ADGRL2: variants seen among roughly 807,000 people sequenced by gnomAD.
ADGRL2 encodes adhesion G protein-coupled receptor L2.
A neutral mutation model predicts 157.4 loss-of-function variants in ADGRL2; 44 were observed. The observed-to-expected ratio is 0.28, with a 90% CI of 0.22 to 0.36. The LOEUF is 0.36. ADGRL2 is among the 10% of genes least tolerant of loss of function. The pLI is 1.00. For synonymous variants in ADGRL2, 585 were observed against 624.7 expected (o/e 0.94, Z 0.95); for missense variants, 1,510 against 1,768.9 (o/e 0.85, Z 2.63).
At chr1:81,976,704 CAACTAA>C (rs1660291423) in intron 17 of ADGRL2, among the ~76,000 whole-genome samples, 1 of 151,858 alleles carries the variant, frequency 6.6e-6, no homozygotes, top group African/African-American at 2.4e-5. Context: ...AGAAAAAATA[CAACTAA>C]CTGTTGTTAA....
chr1:81,391,249 T>G (rs1180307550), intron 1 of ADGRL2, among the ~76,000 whole-genome samples: 1 of 152,302 alleles, frequency 6.6e-6, no homozygotes, highest in African/African-American at 2.4e-5. Flanking sequence ...ACATGTGGTT[T>G]GTGCTTGTGG....
intron 2 of ADGRL2, among the ~76,000 whole-genome samples, chr1:81,850,279 T>A (rs1397095415): frequency 2.0e-5 from 3 of 151,934 alleles, no homozygotes; most frequent in Non-Finnish European, 4.4e-5. Context: ...GTTCTATGTC[T>A]TGTCTTAGCA....
intron 1 of ADGRL2, among the ~76,000 whole-genome samples, chr1:81,388,711 T>C (rs4406684): frequency 0.43 from 64,951 of 151,930 alleles, 15,251 homozygotes; most frequent in East Asian, 0.87. Flanking sequence ...GATCTGCGGG[T>C]ACCTTGATCT....
intron 1 of ADGRL2, among the ~76,000 whole-genome samples, chr1:81,329,125 C>T (rs181094956): frequency 6.6e-6 from 1 of 152,262 alleles, no homozygotes; most frequent in East Asian, 1.9e-4. Flanking sequence ...CACTGTCTAA[C>T]TGCTCTGCCA....
At position 81,456,765 on chromosome 1, in the gene ADGRL2, C is replaced by T. The variant is rs551591738; in HGVS notation, c.-248+11676C>T. ...CATCATTGTGTAACTGCCTTTTGAA[C>T]TGCCCTCCCACAAAATAGTTCTTGA... On this transcript the variant is annotated intron_variant, in intron 2 of 24. Transcript: ENST00000370721. Among the ~76,000 whole-genome samples the T allele has an allele frequency of 4.9e-4, 75 of 151,920 alleles. No individual in the cohort carries two copies. In the South Asian group the frequency reaches 0.016, roughly 32 times the overall value.
At chr1:81,951,730 T>C (rs896016400) in intron 8 of ADGRL2, among the ~76,000 whole-genome samples, 1 of 152,112 alleles carries the variant, frequency 6.6e-6, no homozygotes, top group Non-Finnish European at 1.5e-5. Context: ...AGGATTTTTT[T>C]TCCTTTTTAT....
chr1:81,413,737 A>G (rs1248496174), intron 1 of ADGRL2, among the ~76,000 whole-genome samples: 1 of 152,204 alleles, frequency 6.6e-6, no homozygotes, highest in African/African-American at 2.4e-5. Context: ...TTCCTTTTAC[A>G]CTATCAGACA....
Position 81,813,292 on chromosome 1 carries a change from T to C in ADGRL2, c.-101+12224T>C, listed in dbSNP as rs75903906. ...AAGAGATGTAATAGTTCATTTCTCT[T>C]ATTTTATCAAGTAATAATATGACAA... On this transcript the variant is annotated intron_variant, in intron 1 of 23. Coordinates refer to ENST00000686636, the MANE Select transcript of ADGRL2 (RefSeq NM_001366006.2). 0.01 allele frequency among the ~76,000 whole-genome samples: 1,566 copies of C among 151,852 alleles called. 98 individuals are homozygous for C. In the East Asian group the frequency reaches 0.18, roughly 18 times the overall value.
At chr1:81,819,307 C>G (rs993091962) in intron 1 of ADGRL2, among the ~76,000 whole-genome samples, 1 of 151,966 alleles carries the variant, frequency 6.6e-6, no homozygotes, top group Non-Finnish European at 1.5e-5. Context: ...AGCCCAGAAC[C>G]AAGGTTCCAG....
intron 3 of ADGRL2, among the ~76,000 whole-genome samples, chr1:81,917,538 T>C (rs766811776): frequency 1.3e-5 from 2 of 152,192 alleles, no homozygotes; most frequent in Non-Finnish European, 2.9e-5. Flanking sequence ...GTAAATGATT[T>C]TGTAGTCTTT....
chr1:81,452,377 T>C (rs1219980767), intron 2 of ADGRL2, among the ~76,000 whole-genome samples: 1 of 152,172 alleles, frequency 6.6e-6, no homozygotes, highest in Non-Finnish European at 1.5e-5. Context: ...AATGTGACTC[T>C]CATGGGAGAA....
chr1:81,968,332 TC>T, intron 14 of ADGRL2, 133 bp downstream of exon 14: 1 of 729,000 alleles, frequency 1.4e-6, no homozygotes, highest in Non-Finnish European at 2.3e-6. Context: ...TCTAATTGTT[TC>T]TACACTGTCC....
chr1:81,587,756 A>G (rs2081055959), intron 3 of ADGRL2, among the ~76,000 whole-genome samples: 1 of 152,146 alleles, frequency 6.6e-6, no homozygotes, highest in South Asian at 2.1e-4. Context: ...TGACAAGAAT[A>G]GAATCGTTTT....
In ADGRL2 at chr1:81,828,872, A is replaced by G. The variant is rs56400839; in HGVS notation, c.-100-8013A>G. 4.5e-3 allele frequency among the ~76,000 whole-genome samples: 691 copies of G among 151,886 alleles called. 3 individuals are homozygous for G. The highest frequency in any genetic ancestry group is 7.6e-3 in the Non-Finnish European group (518 of 67,926). On this transcript the variant is annotated intron_variant, in intron 1 of 23. Coordinates refer to ENST00000686636, the MANE Select transcript of ADGRL2 (RefSeq NM_001366006.2). ...TGTTTCTTAATAGGTGTGTCCATGA[A>G]TATTTTTCTTACCGTCTCATCTAAA... is the stretch of plus-strand genomic sequence containing the variant.
At chr1:81,762,219 A>C (rs977636955) in intron 2 of ADGRL2, among the ~76,000 whole-genome samples, 10 of 152,306 alleles carry the variant, frequency 6.6e-5, no homozygotes, top group Middle Eastern at 6.8e-3. Context: ...TCTGTGATAC[A>C]AATTGAGAGT....
At chr1:81,392,486 G>T (rs995243130) in intron 1 of ADGRL2, among the ~76,000 whole-genome samples, 2 of 151,948 alleles carry the variant, frequency 1.3e-5, no homozygotes, top group East Asian at 3.9e-4. Flanking sequence ...GCTTGACAGA[G>T]CCCCAAGGAA....
Position 81,990,483 on chromosome 1 carries a change from G to A in ADGRL2, c.3748G>A (p.Asp1250Asn), listed in dbSNP as rs1234663194. The A allele has an allele frequency of 1.9e-6, 3 of 1,613,974 alleles. No homozygotes were observed. Among genetic ancestry groups the A allele is most frequent in the Non-Finnish European group, 2.5e-6 (3 of 1,179,986 alleles). Residue 1250 changes from aspartate to asparagine, a missense_variant, in exon 24 of 24, where the codon GAC (aspartate) becomes AAC (asparagine). Asp to Asn is a conservative substitution (Grantham distance 23). This residue lies in a region of ADGRL2 where 327 missense variants were observed against 310.1 expected (regional missense o/e 1.05). Transcript: ENST00000686636. ...CAACAGCTACTCGCTGCACAAGGGT[G>A]ACTATAATGACAGCGTGCAAGTTGT... Reference protein sequence around the residue: ...FNNSYSLHKGDYNDSVQVVDC... With the variant: ...FNNSYSLHKGNYNDSVQVVDC...
rs1249267837 is a variant in ADGRL2 at position 81,839,814 on chromosome 1, T to A, written c.73+2757T>A. Among the ~76,000 whole-genome samples, 3 of 142,562 alleles carry A rather than the reference T, an allele frequency of 2.1e-5. No homozygotes were observed. In the East Asian group the frequency reaches 6.1e-4, roughly 29 times the overall value. The allele number at this position is 142,562 out of a possible 152,430, so 93.5% of individuals were successfully genotyped here. ...ATATATATATATATTTTCCATCATA[T>A]ATATATGTTTTCCATCATATATATA... On this transcript the variant is annotated intron_variant, in intron 2 of 23. Transcript: ENST00000686636.
chr1:81,427,396 T>A lies in ADGRL2; in HGVS notation c.-301-17640T>A. On this transcript the variant is annotated intron_variant, in intron 1 of 24. Coordinates refer to the ADGRL2 transcript ENST00000370721. ...GAAACCAAGGTGGTAGATATGGTGG[T>A]GGTGGTGGAGGATATGATGGTTGCA... 6.7e-6 allele frequency: 5 copies of A among 742,176 alleles called. No individual in the cohort carries two copies. In the South Asian group the frequency reaches 7.0e-5, roughly 10 times the overall value. 46.0% of individuals were successfully genotyped at this position (742,176 alleles called of 1,614,324 possible).
Sources: allele counts gnomAD v4.1 joint callset (sites outside exome capture counted in the v4.1 genomes callset), GRCh38; gene constraint gnomAD v4.1.1; regional missense constraint gnomAD v4.1.1; transcripts MANE v1.5; gene names NCBI Gene and HGNC (gene_info 2026-07-23, HGNC 2026-07-21).